Variants in LRRC37A2 observed in about 807,000 individuals in gnomAD.
LRRC37A2 encodes the protein leucine-rich repeat-containing protein 37A2.
Under a neutral mutation model 68.8 loss-of-function variants are expected in LRRC37A2, and 9 were observed. The ratio of observed to expected loss-of-function variants is 0.13; its 90% CI spans 0.08 to 0.23. The LOEUF is 0.23. Among genes scored for constraint, LRRC37A2 ranks in the 10% least tolerant of loss-of-function variants. LRRC37A2 has a pLI of 1.00. For synonymous variants in LRRC37A2, 63 were observed against 367.6 expected (o/e 0.17, Z 9.48); for missense variants, 168 against 950.4 (o/e 0.18, Z 10.82).
the LRRC37A2 span, among the ~76,000 whole-genome samples, chr17:47,043,197 TAAAAAG>T: frequency 6.6e-6 from 1 of 151,874 alleles, no homozygotes; most frequent in East Asian, 1.9e-4. Context: ...CTTAAAGAAT[TAAAAAG>T]AAAATCGATT....
the LRRC37A2 span, among the ~76,000 whole-genome samples, chr17:46,944,952 G>A: frequency 3.3e-5 from 5 of 152,270 alleles, no homozygotes; most frequent in East Asian, 1.9e-4. Context: ...TGAGAACCAC[G>A]GCTGTCAGTG....
chr17:46,710,943 A>G, the LRRC37A2 span: 1 of 1,569,398 alleles, frequency 6.4e-7, no homozygotes, highest in South Asian at 1.2e-5. Flanking sequence ...AAAATGCTTT[A>G]GACTCCTTTT....
chr17:46,898,173 G>A, the LRRC37A2 span, among the ~76,000 whole-genome samples: 12 of 152,160 alleles, frequency 7.9e-5, no homozygotes, highest in African/African-American at 1.9e-4. Context: ...ATTTTTCAGC[G>A]TTAGGCACTA....
the LRRC37A2 span, among the ~76,000 whole-genome samples, chr17:46,774,605 G>A: frequency 6.6e-6 from 1 of 152,208 alleles, no homozygotes; most frequent in Non-Finnish European, 1.5e-5. Flanking sequence ...TCAGAAGGGA[G>A]ATCTCAGATC....
chr17:46,769,542 G>A, the LRRC37A2 span, among the ~76,000 whole-genome samples: 3 of 152,258 alleles, frequency 2.0e-5, no homozygotes, highest in African/African-American at 7.2e-5. Context: ...ATCCCACGGG[G>A]TGGCCATGCT....
At chr17:46,780,628 T>G in the LRRC37A2 span, among the ~76,000 whole-genome samples, 1 of 151,796 alleles carries the variant, frequency 6.6e-6, no homozygotes, top group African/African-American at 2.4e-5. Flanking sequence ...TACAAAAAAT[T>G]AGCCGGGCGT....
At chr17:46,541,894 C>T (rs4278787) in intron 8 of LRRC37A2, among the ~76,000 whole-genome samples, 7 of 149,290 alleles carry the variant, frequency 4.7e-5, no homozygotes, top group African/African-American at 1.0e-4. Flanking sequence ...CTGCAGACAC[C>T]GAGGGACAAC....
At chr17:46,910,734 C>T in the LRRC37A2 span, among the ~76,000 whole-genome samples, 1 of 152,168 alleles carries the variant, frequency 6.6e-6, no homozygotes, top group African/African-American at 2.4e-5. Context: ...GGGATCTGAG[C>T]CAGCTTGGAA....
At chr17:46,501,013 C>G in the LRRC37A2 span, among the ~76,000 whole-genome samples, 16 of 151,136 alleles carry the variant, frequency 1.1e-4, 1 homozygote. Flanking sequence ...GACCCCGTCT[C>G]TACTAAAAAT....
At chr17:46,874,827 C>T in the LRRC37A2 span, 2 of 584,970 alleles carry the variant, frequency 3.4e-6, no homozygotes, top group Admixed American at 2.9e-5. Flanking sequence ...ATCCGCCCGC[C>T]TTGGCCTCCT....
At chr17:46,709,646 C>T in the LRRC37A2 span, among the ~76,000 whole-genome samples, 1 of 152,030 alleles carries the variant, frequency 6.6e-6, no homozygotes, top group African/African-American at 2.4e-5. Context: ...AGGCACACAC[C>T]ACCACACCCA....
the LRRC37A2 span, among the ~76,000 whole-genome samples, chr17:46,691,159 A>G: frequency 1.1e-3 from 1 of 934 alleles, no homozygotes; most frequent in South Asian, 0.011. Flanking sequence ...GGATTCCTCC[A>G]GCCTCAGCCT....
the LRRC37A2 span, among the ~76,000 whole-genome samples, chr17:46,822,955 T>A: frequency 6.6e-6 from 1 of 151,262 alleles, no homozygotes; most frequent in East Asian, 1.9e-4. Context: ...GTTCCTCCTG[T>A]CTTAGCTCTA....
the LRRC37A2 span, among the ~76,000 whole-genome samples, chr17:46,995,166 TCAGA>T: frequency 2.0e-5 from 3 of 152,130 alleles, no homozygotes; most frequent in African/African-American, 7.2e-5. Flanking sequence ...TTGCAGGTAC[TCAGA>T]CAGCCAGGCT....
the LRRC37A2 span, among the ~76,000 whole-genome samples, chr17:46,610,097 CTT>C: frequency 7.3e-5 from 3 of 41,088 alleles, 1 homozygote; most frequent in Non-Finnish European, 1.6e-4. Context: ...TCTTTTCTCT[CTT>C]TCTCTCTCTC....
downstream of LRRC37A2, among the ~76,000 whole-genome samples, chr17:46,558,061 TG>T (rs1266566294): frequency 3.6e-5 from 5 of 138,796 alleles, 1 homozygote; most frequent in Non-Finnish European, 6.2e-5. Flanking sequence ...GAGTTTTGTT[TG>T]TTTTTTTTTC....
the LRRC37A2 span, among the ~76,000 whole-genome samples, chr17:46,769,410 C>T: frequency 1.3e-5 from 2 of 152,118 alleles, no homozygotes; most frequent in African/African-American, 4.8e-5. Flanking sequence ...CTTAACGTGA[C>T]TCACCCTAGA....
the LRRC37A2 span, among the ~76,000 whole-genome samples, chr17:46,816,213 G>A: frequency 2.0e-5 from 3 of 149,960 alleles, no homozygotes; most frequent in African/African-American, 7.4e-5. Context: ...GCAGACACAG[G>A]CTCTGACCTT....
At chr17:46,864,284 A>G in the LRRC37A2 span, among the ~76,000 whole-genome samples, 1 of 152,166 alleles carries the variant, frequency 6.6e-6, no homozygotes, top group Non-Finnish European at 1.5e-5. Context: ...GGTTTCAGCC[A>G]TGATTTGCCT....
Sources: gnomAD v4.1 joint callset for allele counts (sites outside exome capture counted in the v4.1 genomes callset) on GRCh38, gnomAD v4.1.1 for gene constraint, MANE v1.5 for transcripts, NCBI Gene and HGNC (gene_info 2026-07-23, HGNC 2026-07-21) for gene names.